Variants in TMEM108 observed in about 807,000 individuals in gnomAD.
The protein encoded by TMEM108 is transmembrane protein 108, also known as cancer/testis antigen 124.
In TMEM108, 12 loss-of-function variants were observed where a neutral mutation model predicts 35.1. The observed-to-expected ratio is 0.34, with a 90% CI of 0.22 to 0.55. The LOEUF is 0.55. Among genes scored for constraint, TMEM108 ranks in the 20% least tolerant of loss-of-function variants. TMEM108 has a pLI of 0.89. For synonymous variants in TMEM108, 287 were observed against 308.6 expected, an observed-to-expected ratio of 0.93 and a Z score of 0.73; for missense variants, 680 against 753.3, an observed-to-expected ratio of 0.90 and a Z score of 1.14.
chr3:133,386,420 A>G, intron 4 of TMEM108: 4 of 1,536,164 alleles, frequency 2.6e-6, no homozygotes, highest in Non-Finnish European at 3.5e-6. Flanking sequence ...TTCTCATCAC[A>G]CAGCAGATCC....
chr3:133,385,702 A>G (rs1028407857), intron 4 of TMEM108, among the ~76,000 whole-genome samples: 6 of 152,368 alleles, frequency 3.9e-5, no homozygotes, highest in African/African-American at 1.2e-4. Flanking sequence ...AGATCATTAG[A>G]GAGGAAGCCT....
intron 2 of TMEM108, among the ~76,000 whole-genome samples, chr3:133,115,711 T>C (rs956554213): frequency 6.6e-6 from 1 of 152,220 alleles, no homozygotes; most frequent in Non-Finnish European, 1.5e-5. Flanking sequence ...TCTTACAGAT[T>C]TGTTGTGATA....
intron 2 of TMEM108, among the ~76,000 whole-genome samples, chr3:133,186,486 T>A (rs1389151204): frequency 6.6e-6 from 1 of 152,250 alleles, no homozygotes; most frequent in Non-Finnish European, 1.5e-5. Flanking sequence ...CATCAGCTAC[T>A]ATGCTGGGGT....
At chr3:133,091,896 G>A (rs1281908888) in intron 2 of TMEM108, among the ~76,000 whole-genome samples, 1 of 152,056 alleles carries the variant, frequency 6.6e-6, no homozygotes, top group East Asian at 1.9e-4. Flanking sequence ...GGTAGCATAA[G>A]AGCATGAATG....
At chr3:133,132,706 C>G (rs746053872) in intron 2 of TMEM108, among the ~76,000 whole-genome samples, 68 of 152,032 alleles carry the variant, frequency 4.5e-4, no homozygotes, top group Non-Finnish European at 1.3e-4. Flanking sequence ...TTAAGAAATT[C>G]ATTTCATAAG....
intron 2 of TMEM108, among the ~76,000 whole-genome samples, chr3:133,173,501 A>C (rs1945161232): frequency 6.6e-6 from 1 of 152,260 alleles, no homozygotes. Context: ...TATGGAAAAA[A>C]GAAAATTAAA....
At chr3:133,280,435 G>A (rs1409227481) in intron 3 of TMEM108, among the ~76,000 whole-genome samples, 2 of 152,070 alleles carry the variant, frequency 1.3e-5, no homozygotes, top group Admixed American at 6.5e-5. Context: ...AGTGTAGGGG[G>A]AAAGTGAAAA....
chr3:133,197,593 C>A (rs911969328), intron 2 of TMEM108, among the ~76,000 whole-genome samples: 1 of 152,122 alleles, frequency 6.6e-6, no homozygotes, highest in Non-Finnish European at 1.5e-5. Context: ...GCTGTACACA[C>A]GTATGTGGGC....
intron 2 of TMEM108, among the ~76,000 whole-genome samples, chr3:133,193,647 A>G (rs540760189): frequency 1.3e-5 from 2 of 152,304 alleles, no homozygotes; most frequent in South Asian, 4.1e-4. Flanking sequence ...GCACACAGTC[A>G]TTGCACAATA....
chr3:133,204,489 G>A (rs186138991), intron 2 of TMEM108, among the ~76,000 whole-genome samples: 191 of 151,928 alleles, frequency 1.3e-3, no homozygotes, highest in African/African-American at 1.5e-3. Context: ...CCAGAGATTC[G>A]GGTACATTGT....
intron 3 of TMEM108, among the ~76,000 whole-genome samples, chr3:133,366,160 G>A (rs1219863617): frequency 6.6e-6 from 1 of 152,206 alleles, no homozygotes; most frequent in South Asian, 2.1e-4. Context: ...TGCAGATGTG[G>A]TAGGTGCTTA....
intron 3 of TMEM108, among the ~76,000 whole-genome samples, chr3:133,254,598 G>C (rs1454487046): frequency 1.3e-5 from 2 of 152,088 alleles, no homozygotes; most frequent in East Asian, 3.8e-4. Context: ...TGATAAGCAA[G>C]ACTCAGCAAA....
intron 4 of TMEM108, 55 bp from the exon 5 acceptor site, chr3:133,390,125 C>T: frequency 1.9e-6 from 3 of 1,602,450 alleles, no homozygotes; most frequent in Non-Finnish European, 1.7e-6. Context: ...GTGGTGCAAC[C>T]CAGGCACCAT....
chr3:133,248,910 A>C (rs1209703120), intron 3 of TMEM108, among the ~76,000 whole-genome samples: 1 of 152,182 alleles, frequency 6.6e-6, no homozygotes, highest in Non-Finnish European at 1.5e-5. Context: ...ATTAGCCTTC[A>C]TCTAGCCCTC....
chr3:133,260,539 G>A (rs1946609440), intron 3 of TMEM108, among the ~76,000 whole-genome samples: 1 of 152,158 alleles, frequency 6.6e-6, no homozygotes, highest in African/African-American at 2.4e-5. Context: ...ATAGAAAGAG[G>A]GCCAATTGTG....
intron 2 of TMEM108, among the ~76,000 whole-genome samples, chr3:133,125,873 G>T (rs952966707): frequency 1.3e-5 from 2 of 152,160 alleles, no homozygotes; most frequent in African/African-American, 4.8e-5. Flanking sequence ...AAAGGGATGT[G>T]ATATTTAGTC....
chr3:133,068,667 G>A (rs114177894), intron 2 of TMEM108, among the ~76,000 whole-genome samples: 2,170 of 152,160 alleles, frequency 0.014, 35 homozygotes, highest in African/African-American at 0.048. Flanking sequence ...GATCATGATC[G>A]AGTGATTTTT....
At chr3:133,081,935 G>T (rs1210994111) in intron 2 of TMEM108, among the ~76,000 whole-genome samples, 3 of 152,176 alleles carry the variant, frequency 2.0e-5, no homozygotes, top group Non-Finnish European at 4.4e-5. Context: ...GTTGGGAGTG[G>T]CAAGCCTTGC....
chr3:133,169,550 G>A (rs1051593120), intron 2 of TMEM108, among the ~76,000 whole-genome samples: 2 of 152,210 alleles, frequency 1.3e-5, no homozygotes, highest in African/African-American at 4.8e-5. Flanking sequence ...TTCAGTTGTT[G>A]TGGAAGGAGA....
Sources: gnomAD v4.1 joint callset for allele counts (sites outside exome capture counted in the v4.1 genomes callset) on GRCh38, gnomAD v4.1.1 for gene constraint, MANE v1.5 for transcripts, NCBI Gene and HGNC (gene_info 2026-07-23, HGNC 2026-07-21) for gene names.